ABCA8: variants seen among roughly 807,000 people sequenced by gnomAD.
ABCA8 encodes ABC-type organic anion transporter ABCA8.
In ABCA8, 177 loss-of-function variants were observed where a neutral mutation model predicts 192.3. The observed-to-expected ratio is 0.92, with a 90% CI of 0.81 to 1.04. The LOEUF is 1.04. ABCA8 is among the 50% of genes least tolerant of loss of function. ABCA8 has a pLI of 0.00. For synonymous variants in ABCA8, 642 were observed against 690.2 expected (o/e 0.93, Z 1.09); for missense variants, 1,915 against 1,904.8 (o/e 1.01, Z -0.10).
intron 5 of ABCA8, among the ~76,000 whole-genome samples, chr17:68,935,293 T>TGTGTG (rs1491187643): frequency 6.7e-6 from 1 of 149,356 alleles, no homozygotes; most frequent in Admixed American, 6.7e-5. Context: ...TGTGTGTGTG[T>TGTGTG]TTCAGTAGAG....
intron 8 of ABCA8, 53 bp from the exon 9 acceptor site, chr17:68,929,287 C>A: frequency 7.3e-7 from 1 of 1,372,358 alleles, no homozygotes; most frequent in Non-Finnish European, 9.8e-7. Context: ...TTATTACTAG[C>A]ATAATAAAAT....
intron 17 of ABCA8, among the ~76,000 whole-genome samples, chr17:68,912,884 A>G (rs1461770232): frequency 1.3e-5 from 2 of 152,192 alleles, no homozygotes; most frequent in Non-Finnish European, 2.9e-5. Flanking sequence ...CTTAATGTGC[A>G]CTATAGATCA....
chr17:68,888,584 C>A (rs2066548466), intron 24 of ABCA8, among the ~76,000 whole-genome samples: 2 of 152,080 alleles, frequency 1.3e-5, no homozygotes. Context: ...ATTTTTGGAT[C>A]TTTAGGAAAT....
intron 5 of ABCA8, among the ~76,000 whole-genome samples, chr17:68,936,705 T>C (rs1288620432): frequency 6.6e-6 from 1 of 152,106 alleles, no homozygotes; most frequent in African/African-American, 2.4e-5. Flanking sequence ...TACATATGAA[T>C]ACATATTTCA....
At chr17:68,935,828 C>T (rs1192259516) in intron 5 of ABCA8, among the ~76,000 whole-genome samples, 1 of 151,982 alleles carries the variant, frequency 6.6e-6, no homozygotes, top group Non-Finnish European at 1.5e-5. Flanking sequence ...TAAGTGTTAT[C>T]TTTTCTTCGC....
At chr17:68,954,554 A>G (rs183167297) in intron 1 of ABCA8, among the ~76,000 whole-genome samples, 241 of 152,320 alleles carry the variant, frequency 1.6e-3, no homozygotes, top group Non-Finnish European at 2.8e-3. Flanking sequence ...ATACTGTTGT[A>G]AAATTCAGAA....
chr17:68,945,841 T>C (rs971027902), intron 2 of ABCA8, among the ~76,000 whole-genome samples: 2 of 152,074 alleles, frequency 1.3e-5, no homozygotes, highest in Non-Finnish European at 2.9e-5. Flanking sequence ...ATATATATTA[T>C]GCGTGTATGC....
At chr17:68,886,113 C>A (rs1027229533) in intron 26 of ABCA8, among the ~76,000 whole-genome samples, 12 of 152,272 alleles carry the variant, frequency 7.9e-5, no homozygotes, top group African/African-American at 2.9e-4. Flanking sequence ...TTCTAATACA[C>A]TGTAATGACT....
chr17:68,953,641 C>T (rs979722789), intron 1 of ABCA8, among the ~76,000 whole-genome samples: 1 of 152,044 alleles, frequency 6.6e-6, no homozygotes, highest in Non-Finnish European at 1.5e-5. Flanking sequence ...AAGACAGTTC[C>T]AAGAGTAAAG....
At chr17:68,913,026 T>TC (rs1008482452) in intron 17 of ABCA8, among the ~76,000 whole-genome samples, 2 of 152,096 alleles carry the variant, frequency 1.3e-5, no homozygotes, top group Admixed American at 6.5e-5. Context: ...AATTTTTTTT[T>TC]CAAATTGAAA....
At chr17:68,946,741 C>G (rs2068420355) in intron 2 of ABCA8, among the ~76,000 whole-genome samples, 1 of 152,046 alleles carries the variant, frequency 6.6e-6, no homozygotes, top group Non-Finnish European at 1.5e-5. Flanking sequence ...GAGTTTGATA[C>G]CAGCCTGCGC....
chr17:68,940,704 A>C, intron 4 of ABCA8, 54 bp downstream of exon 4: 1 of 1,501,490 alleles, frequency 6.7e-7, no homozygotes, highest in Non-Finnish European at 9.2e-7. Context: ...ATCTGCGGTC[A>C]AATAAACCAA....
intron 31 of ABCA8, among the ~76,000 whole-genome samples, chr17:68,881,461 G>T (rs1348718218): frequency 6.6e-6 from 1 of 152,198 alleles, no homozygotes; most frequent in Non-Finnish European, 1.5e-5. Context: ...AAGTGTTTCA[G>T]ATTCTGTCTC....
In ABCA8 at chr17:68,949,405, A is replaced by T. The variant is rs965226832; in HGVS notation, c.-99T>A. ...TAGCATTCCTTCTGAAACAATTCCA[A>T]ACAGTCGAAAAAGAGGGACTCCTCT... On this transcript the variant is annotated 5_prime_UTR_variant, in exon 2 of 40. It adds an upstream start codon to the 5' untranslated region. Coordinates refer to ENST00000586539, the MANE Select transcript of ABCA8 (RefSeq NM_001288985.2). 6 of 152,170 alleles carry T rather than the reference A, an allele frequency of 3.9e-5. No homozygotes were observed. Among genetic ancestry groups the T allele is most frequent in the Non-Finnish European group, 5.9e-5 (4 of 68,024 alleles). 9.4% of individuals were successfully genotyped at this position (152,170 alleles called of 1,614,324 possible). A position where few individuals can be genotyped will look rare whatever the true frequency, so the allele number is the denominator to read the frequency against.
At chr17:68,910,015 A>G (rs2067192542) in intron 17 of ABCA8, among the ~76,000 whole-genome samples, 1 of 152,184 alleles carries the variant, frequency 6.6e-6, no homozygotes, top group Non-Finnish European at 1.5e-5. Flanking sequence ...CATCTGTAAA[A>G]TAAAAGTAAC....
At chr17:68,868,937 C>T (rs896394711) in intron 38 of ABCA8, among the ~76,000 whole-genome samples, 2 of 152,086 alleles carry the variant, frequency 1.3e-5, no homozygotes, top group African/African-American at 4.8e-5. Flanking sequence ...CTGTGAATGA[C>T]TACGTGGCCC....
At chr17:68,880,817 G>T in intron 32 of ABCA8, 1 of 389,788 alleles carries the variant, frequency 2.6e-6, no homozygotes, top group Non-Finnish European at 4.8e-6. Context: ...CATGAACAGA[G>T]TGCAGCCTGC....
chr17:68,905,315 C>A (rs145935882), intron 19 of ABCA8, among the ~76,000 whole-genome samples: 1 of 152,134 alleles, frequency 6.6e-6, no homozygotes, highest in Admixed American at 6.5e-5. Flanking sequence ...TTACTGATAA[C>A]GGTCATCAGT....
Position 68,880,994 on chromosome 17 carries a change from T to C in ABCA8, c.4038+126A>G. 3 of 714,146 alleles carry C rather than the reference T, an allele frequency of 4.2e-6. No homozygotes were observed. The South Asian group carries it at 4.7e-5, about 11-fold the overall frequency. The allele number at this position is 714,146 out of a possible 1,614,324, so 44.2% of individuals were successfully genotyped here. A position where few individuals can be genotyped will look rare whatever the true frequency, so the allele number is the denominator to read the frequency against. ...TATGTGATAATTCGTGAATTTATTC[T>C]CTTGGGTAGTTCATTAATCACTTCA... On this transcript the variant is annotated intron_variant, in intron 32 of 39. Transcript: ENST00000586539.
Sources: allele counts gnomAD v4.1 joint callset (sites outside exome capture counted in the v4.1 genomes callset), GRCh38; gene constraint gnomAD v4.1.1; transcripts MANE v1.5; gene names NCBI Gene and HGNC (gene_info 2026-07-23, HGNC 2026-07-21).